RNF213: variants seen among roughly 807,000 people sequenced by gnomAD.
The protein encoded by RNF213 is ring finger protein 213.
A neutral mutation model predicts 514.4 loss-of-function variants in RNF213; 341 were observed. That is an observed-to-expected ratio of 0.66 (90% CI 0.61 to 0.73). RNF213 has a LOEUF of 0.73. RNF213 is among the 30% of genes least tolerant of loss of function. RNF213 has a pLI of 0.00. For synonymous variants in RNF213, 2,655 were observed against 2,658.2 expected, an observed-to-expected ratio of 1.00 and a Z score of 0.04; for missense variants, 5,767 against 6,615.6, an observed-to-expected ratio of 0.87 and a Z score of 4.45.
At chr17:80,299,884 G>A (rs185352986) in intron 11 of RNF213, among the ~76,000 whole-genome samples, 157 of 152,288 alleles carry the variant, frequency 1.0e-3, no homozygotes, top group Non-Finnish European at 1.8e-3. Context: ...TCCTGCAAAG[G>A]ACATGATTTC....
rs2080658433 is a variant in RNF213, at chr17:80,396,241, GAC to G, written c.*2745_*2746del. On this transcript the variant is annotated 3_prime_UTR_variant, in exon 68 of 68. Transcript: ENST00000582970. ...TGCACCACTGCACTCCAACCTGGGTGACAGAGTGAGACCCTGTCTCAAAAAAA... is the reference window on the plus strand; with the variant it reads ...TGCACCACTGCACTCCAACCTGGGTGAGAGTGAGACCCTGTCTCAAAAAAA... The G allele has an allele frequency of 6.8e-6, 1 of 147,640 alleles. No individual in the cohort carries two copies. The highest frequency in any genetic ancestry group is 2.0e-4 in the East Asian group (1 of 5,096). The allele number at this position is 147,640 out of a possible 1,614,324, so 9.1% of individuals were successfully genotyped here.
chr17:80,290,358 TGTGTGC>T (rs1263118822), intron 6 of RNF213, among the ~76,000 whole-genome samples: 1 of 151,442 alleles, frequency 6.6e-6, no homozygotes, highest in African/African-American at 2.4e-5. Context: ...TGTGCATGTA[TGTGTGC>T]GTGTGTGAGT....
At position 80,351,728 on chromosome 17, in the gene RNF213, G is replaced by A. The variant is rs540433526; in HGVS notation, c.10228G>A (p.Asp3410Asn). The A allele has an allele frequency of 3.7e-6, 6 of 1,612,248 alleles. No individual in the cohort carries two copies. The highest frequency in any genetic ancestry group is 1.6e-4 in the Middle Eastern group (1 of 6,062). Residue 3410 changes from aspartate (D) to asparagine (N), a missense_variant, in exon 32 of 68, where the codon GAC (aspartate) becomes AAC (asparagine). Asp to Asn is a conservative substitution (Grantham distance 23). Coordinates refer to ENST00000582970, the MANE Select transcript of RNF213 (RefSeq NM_001256071.3). The part of the protein sequence containing the change: ...NEINKIRENE[D>N]RIFVYFITKL... ...AATCAACAAAATACGAGAAAATGAGGACCGTATCTTCGTCTATTTCATCAC... is the reference window on the plus strand; with the variant it reads ...AATCAACAAAATACGAGAAAATGAGAACCGTATCTTCGTCTATTTCATCAC...
chr17:80,340,174 A>G lies in RNF213; in HGVS notation c.5807A>G (p.His1936Arg). 6.2e-7 allele frequency: 1 copy of G among 1,613,762 alleles called. No homozygotes were observed. The highest frequency in any genetic ancestry group is 1.3e-5 in the African/African-American group (1 of 74,896). The change falls in exon 26 of 68, where the codon CAC (histidine) becomes CGC (arginine). Residue 1936 changes from histidine to arginine, a missense_variant. By Grantham distance (29) the His-to-Arg change is conservative. Coordinates refer to ENST00000582970, the MANE Select transcript of RNF213 (RefSeq NM_001256071.3). ...ATGGTCTGTGATGGGGACTGGGAGC[A>G]CTGCTACCTCCCCTCTGCCTTCAGC... The part of the protein sequence containing the change: ...LVMVCDGDWE[H>R]CYLPSAFSQH...
intron 3 of RNF213, among the ~76,000 whole-genome samples, chr17:80,284,431 C>G (rs938238010): frequency 1.3e-5 from 2 of 152,014 alleles, no homozygotes; most frequent in African/African-American, 2.4e-5. Context: ...GTAATCCCAG[C>G]TACTCAGGAG....
In RNF213 at chr17:80,386,723, G is replaced by C. The variant is rs577698176; in HGVS notation, c.14754G>C (p.Leu4918=). 6.2e-7 allele frequency: 1 copy of C among 1,614,110 alleles called. No homozygotes were observed. The highest frequency in any genetic ancestry group is 1.3e-5 in the African/African-American group (1 of 74,938). ...YSVDAAEVTE[L]HVISYEVERD... is the part of the protein sequence containing the mutation. The stretch of plus-strand genomic sequence containing the variant: ...TGGATGCCGCCGAGGTCACTGAACT[G>C]CATGTCATCAGTTATGAAGTGGAGC... The change falls in exon 63 of 68, where the codon CTG becomes CTC. Residue 4918 remains leucine, a synonymous_variant. Transcript: ENST00000582970.
At position 80,345,941 on chromosome 17, in the gene RNF213, T is replaced by G; in HGVS notation, c.7606T>G (p.Cys2536Gly). 1 of 1,614,234 alleles carries G rather than the reference T, an allele frequency of 6.2e-7. No individual in the cohort carries two copies. The highest frequency in any genetic ancestry group is 8.5e-7 in the Non-Finnish European group (1 of 1,180,046). The change falls in exon 29 of 68, where the codon TGC becomes GGC. Residue 2536 changes from cysteine (C) to glycine (G), a missense_variant. This residue lies in a region of RNF213 where 1,377 missense variants were observed against 1,635.2 expected (regional missense o/e 0.84). Transcript: ENST00000582970. This position sits in a 1 kb window ranked among gnomAD's most constrained non-coding sequence, Gnocchi z 6.0. ...PYRKHSEEMI[C>G]RLESAGLGYR... ...CCGGAAGCACTCTGAGGAGATGATCTGCCGTTTGGAGTCAGCTGGTTTGGG... is the reference window on the plus strand; with the variant it reads ...CCGGAAGCACTCTGAGGAGATGATCGGCCGTTTGGAGTCAGCTGGTTTGGG...
chr17:80,291,815 C>A lies in RNF213; in HGVS notation c.1459C>A (p.Leu487Met), dbSNP rs776581504. 9.3e-6 allele frequency: 15 copies of A among 1,614,092 alleles called. No homozygotes were observed. Among genetic ancestry groups the A allele is most frequent in the Admixed American group, 3.3e-5 (2 of 60,006 alleles). The change falls in exon 8 of 68, where the codon CTG (leucine) becomes ATG (methionine). Residue 487 changes from leucine to methionine, a missense_variant. Coordinates refer to ENST00000582970, the MANE Select transcript of RNF213 (RefSeq NM_001256071.3). ...NRCLFIKSSL[L>M]GSGDWHQYYD... ...CTGTCTGTTCATAAAATCTTCACTT[C>A]TGGGCTCAGGAGGTAAGTCGTGGCA... is the stretch of plus-strand genomic sequence containing the variant.
rs764317680 is a variant in RNF213 at position 80,376,988 on chromosome 17, C to A, written c.13510+25C>A. 9 of 1,557,834 alleles carry A rather than the reference C, an allele frequency of 5.8e-6. No homozygotes were observed. In the Admixed American group the frequency reaches 1.3e-4, roughly 23 times the overall value. On this transcript the variant is annotated intron_variant, in intron 53 of 67. Transcript: ENST00000582970. Reference sequence around the variant, plus strand: ...AGTAAGTGTTGGGGTCTAGATGACCCCACACTCCTTTGAGCTTCAAAGGGT... The same window carrying A: ...AGTAAGTGTTGGGGTCTAGATGACCACACACTCCTTTGAGCTTCAAAGGGT...
In RNF213 at chr17:80,327,992, A is replaced by G; in HGVS notation, c.3367+3A>G. ...GTTTCTTGACATCTGGCAACTGAGTAAGCATCGAGTCGATACGCACTTCAG... is the reference window on the plus strand; with the variant it reads ...GTTTCTTGACATCTGGCAACTGAGTGAGCATCGAGTCGATACGCACTTCAG... On this transcript the variant is annotated splice_donor_region_variant and intron_variant, in intron 19 of 67. Transcript: ENST00000582970. 6.5e-7 allele frequency: 1 copy of G among 1,537,274 alleles called. No individual in the cohort carries two copies. The highest frequency in any genetic ancestry group is 8.7e-7 in the Non-Finnish European group (1 of 1,146,892).
chr17:80,343,993 C>T lies in RNF213; in HGVS notation c.6320C>T (p.Pro2107Leu), dbSNP rs756213942. The change falls in exon 28 of 68, where the codon CCG becomes CTG. Residue 2107 changes from proline (P) to leucine (L), a missense_variant. Physicochemically the swap from Pro to Leu is moderately conservative, Grantham distance 98 (BLOSUM62 -3). Transcript: ENST00000582970. The surrounding 1 kb of genome is among the most constrained non-coding windows in gnomAD (Gnocchi z 4.3). The part of the protein sequence containing the change: ...VEILERRTSV[P>L]SRSSSALRTR... ...ATCCTGGAAAGGAGGACGTCAGTGC[C>T]GTCGAGGAGCTCTTCAGCGCTGGTC... 30 of 1,614,076 alleles carry T rather than the reference C, an allele frequency of 1.9e-5. No homozygotes were observed. The highest frequency in any genetic ancestry group is 1.8e-4 in the East Asian group (8 of 44,904).
intron 2 of RNF213, among the ~76,000 whole-genome samples, chr17:80,266,442 T>C (rs906593809): frequency 3.3e-5 from 5 of 151,508 alleles, no homozygotes; most frequent in African/African-American, 1.2e-4. Flanking sequence ...AAAAAAAGCC[T>C]TACAGTGGTC....
In RNF213 at chr17:80,263,975, T is replaced by A. The variant is rs1262764669; in HGVS notation, c.97+197T>A. Among the ~76,000 whole-genome samples, 1 of 152,002 alleles carries A rather than the reference T, an allele frequency of 6.6e-6. No individual in the cohort carries two copies. The highest frequency in any genetic ancestry group is 1.9e-4 in the East Asian group (1 of 5,166). ...GAGTCTGTTTTGGGGTGGCATAGAT[T>A]AGTCTCCCACACAGGTCAAGCCAGG... is the stretch of plus-strand genomic sequence containing the variant. On this transcript the variant is annotated intron_variant, in intron 2 of 67. Transcript: ENST00000582970. The surrounding 1 kb of genome is among the most constrained non-coding windows in gnomAD (Gnocchi z 4.9).
chr17:80,297,437 G>A (rs58201003), intron 10 of RNF213, among the ~76,000 whole-genome samples: 6,249 of 143,066 alleles, frequency 0.044, 397 homozygotes, highest in African/African-American at 0.15. Context: ...GCGACACAGT[G>A]AGACTTCATC....
intron 5 of RNF213, 89 bp from the exon 6 acceptor site, chr17:80,289,570 A>G: frequency 7.0e-7 from 1 of 1,429,434 alleles, no homozygotes; most frequent in Non-Finnish European, 9.7e-7. Flanking sequence ...AGCCTTGGTA[A>G]TAAGAGCGAG....
Position 80,295,440 on chromosome 17 carries a change from G to T in RNF213, c.1756-117G>T, listed in dbSNP as rs550081137. On this transcript the variant is annotated intron_variant, in intron 9 of 67. Coordinates refer to ENST00000582970, the MANE Select transcript of RNF213 (RefSeq NM_001256071.3). ...AGCTCCTCCTGTGGCTCTCACAGGTGTGGTGGTGGGGCACGGATGGGGTCT... is the reference window on the plus strand; with the variant it reads ...AGCTCCTCCTGTGGCTCTCACAGGTTTGGTGGTGGGGCACGGATGGGGTCT... 12 of 1,302,166 alleles carry T rather than the reference G, an allele frequency of 9.2e-6. No individual in the cohort carries two copies. In the East Asian group the frequency reaches 2.4e-4, roughly 26 times the overall value. 80.7% of individuals were successfully genotyped at this position (1,302,166 alleles called of 1,614,324 possible).
Position 80,351,765 on chromosome 17 carries a change from G to A in RNF213, c.10265G>A (p.Arg3422Gln), listed in dbSNP as rs144870684. 3.5e-5 allele frequency: 57 copies of A among 1,612,198 alleles called. 2 individuals carry two copies. The highest frequency in any genetic ancestry group is 2.7e-4 in the East Asian group (12 of 44,892). The change falls in exon 32 of 68, where the codon CGG becomes CAG. Residue 3422 changes from arginine to glutamine, a missense_variant. Arg to Gln is a conservative substitution (Grantham distance 43). Around this residue, in one of 13 missense-constraint regions of RNF213, gnomAD observed 919 missense variants for 1,121.0 expected, o/e 0.82. Coordinates refer to ENST00000582970, the MANE Select transcript of RNF213 (RefSeq NM_001256071.3). Reference sequence around the variant, plus strand: ...GTCTATTTCATCACAAAACTGTCCCGGGTGGGAAGAGGAACAGCCTATGTG... The same window carrying A: ...GTCTATTTCATCACAAAACTGTCCCAGGTGGGAAGAGGAACAGCCTATGTG... Reference protein sequence around the residue: ...IFVYFITKLSRVGRGTAYVGF... With the variant: ...IFVYFITKLSQVGRGTAYVGF...
At chr17:80,271,906 G>A (rs2043835616) in intron 2 of RNF213, among the ~76,000 whole-genome samples, 3 of 152,262 alleles carry the variant, frequency 2.0e-5, no homozygotes, top group South Asian at 4.1e-4. Context: ...CTTGAACCCA[G>A]GAGGTGGAGG....
chr17:80,290,403 TTG>T (rs978048850), intron 6 of RNF213, among the ~76,000 whole-genome samples, 165 bp from the exon 7 acceptor site: 164 of 137,316 alleles, frequency 1.2e-3, no homozygotes, highest in Middle Eastern at 3.6e-3. Context: ...GTACGTGTGC[TTG>T]TGTGTGTGCG....
Sources: gnomAD v4.1 joint callset for allele counts (sites outside exome capture counted in the v4.1 genomes callset) on GRCh38, gnomAD v4.1.1 for gene constraint, gnomAD v4.1.1 regional missense constraint, Gnocchi (gnomAD v3.1) non-coding constraint, MANE v1.5 for transcripts, NCBI Gene and HGNC (gene_info 2026-07-23, HGNC 2026-07-21) for gene names.